The following SSPN variants were observed in gnomAD, a reference collection of about 807,000 sequenced individuals.
SSPN encodes sarcospan, also known as K-ras oncogene-associated protein.
A neutral mutation model predicts 19.1 loss-of-function variants in SSPN; 15 were observed. That is an observed-to-expected ratio of 0.78 (90% CI 0.52 to 1.21). SSPN has a LOEUF of 1.21. Ranked by LOEUF, SSPN falls within the 50% of genes most tolerant of loss-of-function variation. The pLI, the probability that SSPN is intolerant of heterozygous loss-of-function variation, is 0.00. For synonymous variants in SSPN, 147 were observed against 140.3 expected (o/e 1.05, Z -0.34); for missense variants, 291 against 314.0 (o/e 0.93, Z 0.55).
At chr12:26,175,839 GTTTTT>G (rs57740060) in intron 1 of SSPN, among the ~76,000 whole-genome samples, 1 of 139,456 alleles carries the variant, frequency 7.2e-6, no homozygotes, top group Admixed American at 7.1e-5. Context: ...TTTATTTTGA[GTTTTT>G]TTTTTTTTTT....
chr12:26,126,041 C>G (rs1022187631), intron 1 of SSPN: 8 of 152,194 alleles, frequency 5.3e-5, no homozygotes, highest in African/African-American at 1.9e-4. Flanking sequence ...AAACGGGTAC[C>G]AGCACAGGGC....
intron 1 of SSPN, among the ~76,000 whole-genome samples, chr12:26,203,143 C>G (rs181377121): frequency 6.6e-6 from 1 of 152,162 alleles, no homozygotes; most frequent in Non-Finnish European, 1.5e-5. Context: ...AGGTTTCCCC[C>G]TCAACACATG....
chr12:26,188,728 C>T (rs189893762), intron 1 of SSPN, among the ~76,000 whole-genome samples: 1 of 152,170 alleles, frequency 6.6e-6, no homozygotes, highest in East Asian at 1.9e-4. Context: ...CATATTATAA[C>T]CTTTGCACTG....
At chr12:26,123,057 G>A in intron 1 of SSPN, 1 of 1,584,894 alleles carries the variant, frequency 6.3e-7, no homozygotes, top group Non-Finnish European at 8.6e-7. Flanking sequence ...CTCCCTGGGT[G>A]TCCAGCTCTC....
intron 1 of SSPN, 83 bp from the exon 2 acceptor site, chr12:26,224,210 C>A: frequency 1.1e-6 from 1 of 927,146 alleles, no homozygotes; most frequent in African/African-American, 1.6e-5. Flanking sequence ...ATGGATGTGA[C>A]TGCAGGAAGA....
chr12:26,132,496 C>T (rs1209742834), intron 1 of SSPN, among the ~76,000 whole-genome samples: 6 of 152,174 alleles, frequency 3.9e-5, no homozygotes, highest in African/African-American at 9.7e-5. Context: ...TAGTATTGCA[C>T]GTTAGAAATC....
At chr12:26,142,529 A>G (rs1054365239) in intron 1 of SSPN, among the ~76,000 whole-genome samples, 14 of 152,148 alleles carry the variant, frequency 9.2e-5, no homozygotes, top group East Asian at 5.8e-4. Context: ...AATAAGGAAT[A>G]TGGGAGGAGG....
At chr12:26,140,672 C>G (rs772844628) in intron 1 of SSPN, among the ~76,000 whole-genome samples, 29 of 152,194 alleles carry the variant, frequency 1.9e-4, no homozygotes, top group Admixed American at 1.3e-4. Context: ...CCCCTTCACT[C>G]TCTTCCTCCT....
At chr12:26,139,525 T>A (rs1307111122) in intron 1 of SSPN, among the ~76,000 whole-genome samples, 10 of 152,232 alleles carry the variant, frequency 6.6e-5, no homozygotes, top group Non-Finnish European at 1.5e-4. Flanking sequence ...ATCTCTTTTT[T>A]GAGTCCAACA....
At chr12:26,171,492 T>C (rs1412091540) in intron 1 of SSPN, among the ~76,000 whole-genome samples, 2 of 152,168 alleles carry the variant, frequency 1.3e-5, no homozygotes, top group Non-Finnish European at 2.9e-5. Context: ...ATGTGTACAG[T>C]GGAATTTTTC....
At chr12:26,123,876 C>T (rs981829264) in intron 1 of SSPN, 9 of 780,042 alleles carry the variant, frequency 1.2e-5, no homozygotes, top group South Asian at 1.4e-5. Flanking sequence ...CTTGAGCTTT[C>T]CACAAGACAG....
intron 1 of SSPN, among the ~76,000 whole-genome samples, chr12:26,172,003 C>T (rs938221439): frequency 6.6e-6 from 1 of 152,152 alleles, no homozygotes; most frequent in Non-Finnish European, 1.5e-5. Context: ...TACCTGCCTC[C>T]TAGGTGTAGA....
intron 1 of SSPN, chr12:26,123,534 GA>G (rs1254866563): frequency 1.1e-6 from 1 of 893,944 alleles, no homozygotes; most frequent in Admixed American, 1.7e-5. Flanking sequence ...TGAGCCCACG[GA>G]AAGAGATGGG....
At chr12:26,188,171 T>G (rs948589656) in intron 1 of SSPN, among the ~76,000 whole-genome samples, 2 of 152,156 alleles carry the variant, frequency 1.3e-5, no homozygotes, top group African/African-American at 2.4e-5. Context: ...ATGTCCACAG[T>G]CACACAGCTG....
intron 1 of SSPN, among the ~76,000 whole-genome samples, chr12:26,140,194 C>T (rs1192657540): frequency 6.6e-6 from 1 of 152,246 alleles, no homozygotes; most frequent in South Asian, 2.1e-4. Context: ...GAAATCATGA[C>T]CATTCCAGCC....
In SSPN at chr12:26,182,407, T is replaced by G. The variant is rs1299023613; in HGVS notation, c.-30-41886T>G. On this transcript the variant is annotated intron_variant, in intron 1 of 2. Transcript: ENST00000538142. ...GCATTAAGTAATAAGAATGATATTATTTTGGATGGTTTTTAAATCATCATT... is the reference window on the plus strand; with the variant it reads ...GCATTAAGTAATAAGAATGATATTAGTTTGGATGGTTTTTAAATCATCATT... Among the ~76,000 whole-genome samples, 3 of 152,232 alleles carry G rather than the reference T, an allele frequency of 2.0e-5. No homozygotes were observed. The South Asian group carries it at 6.2e-4, about 32-fold the overall frequency.
At chr12:26,122,964 A>G (rs1316152123) in intron 1 of SSPN, 13 of 1,560,690 alleles carry the variant, frequency 8.3e-6, no homozygotes, top group South Asian at 5.9e-5. Flanking sequence ...GCTCAGAGGG[A>G]CCTGTTGAGT....
upstream of SSPN, among the ~76,000 whole-genome samples, chr12:26,192,042 T>C (rs1295906027): frequency 1.3e-5 from 2 of 152,234 alleles, no homozygotes; most frequent in Non-Finnish European, 2.9e-5. Flanking sequence ...ATTTTGTTAA[T>C]CACACTAGTT....
chr12:26,206,004 CA>C (rs1944928006), intron 1 of SSPN, among the ~76,000 whole-genome samples: 1 of 152,182 alleles, frequency 6.6e-6, no homozygotes, highest in South Asian at 2.1e-4. Flanking sequence ...TTTAAATGCA[CA>C]TAGGGTGACC....
Sources: gnomAD v4.1 joint callset for allele counts (sites outside exome capture counted in the v4.1 genomes callset) on GRCh38, gnomAD v4.1.1 for gene constraint, MANE v1.5 for transcripts, NCBI Gene and HGNC (gene_info 2026-07-23, HGNC 2026-07-21) for gene names.